The following SETD2 variants were observed in gnomAD, a reference collection of about 807,000 sequenced individuals.
SETD2 encodes SET domain containing 2, histone lysine methyltransferase, also known as histone-lysine N-methyltransferase SETD2.
In SETD2, 31 loss-of-function variants were observed where a neutral mutation model predicts 242.1. The ratio of observed to expected loss-of-function variants is 0.13; its 90% CI spans 0.10 to 0.17. SETD2 has a LOEUF of 0.17. Ranked by LOEUF, SETD2 falls within the 10% of genes least tolerant of loss-of-function variation. The pLI, the probability that SETD2 is intolerant of heterozygous loss-of-function variation, is 1.00. For missense variants in SETD2, 2,481 were observed against 3,046.3 expected, an observed-to-expected ratio of 0.81 and a Z score of 4.37; for synonymous variants, 1,006 against 1,066.5, an observed-to-expected ratio of 0.94 and a Z score of 1.11.
intron 1 of SETD2, among the ~76,000 whole-genome samples, chr3:47,135,017 C>G (rs1276040181): frequency 6.6e-6 from 1 of 152,156 alleles, no homozygotes; most frequent in Non-Finnish European, 1.5e-5. Context: ...AAGGATCCAC[C>G]TTGTAAAAGC....
At chr3:47,087,411 C>T (rs2107648838) in intron 10 of SETD2, among the ~76,000 whole-genome samples, 1 of 152,204 alleles carries the variant, frequency 6.6e-6, no homozygotes, top group African/African-American at 2.4e-5. Context: ...AAGGAGTGTA[C>T]AACCTAGATC....
intron 18 of SETD2, among the ~76,000 whole-genome samples, chr3:47,031,767 G>A (rs2038781710): frequency 6.6e-6 from 1 of 152,068 alleles, no homozygotes; most frequent in South Asian, 2.1e-4. Context: ...ACCGCAAAGA[G>A]CTTTTATTCG....
chr3:47,097,719 T>G (rs1484421108), intron 9 of SETD2, among the ~76,000 whole-genome samples: 3 of 152,220 alleles, frequency 2.0e-5, no homozygotes, highest in Non-Finnish European at 2.9e-5. Context: ...TTTTAAAGAA[T>G]CTGAAAAACT....
At chr3:47,022,370 G>T (rs187223304) in intron 18 of SETD2, among the ~76,000 whole-genome samples, 73 of 152,088 alleles carry the variant, frequency 4.8e-4, no homozygotes, top group Admixed American at 2.7e-3. Context: ...TGGGCATGGT[G>T]GCTATGCCTG....
At chr3:47,137,070 C>T (rs2043604820) in intron 1 of SETD2, among the ~76,000 whole-genome samples, 1 of 152,188 alleles carries the variant, frequency 6.6e-6, no homozygotes, top group South Asian at 2.1e-4. Flanking sequence ...CACATGTACC[C>T]TTTGAATCTA....
chr3:47,149,230 T>C (rs1399041589), intron 1 of SETD2, among the ~76,000 whole-genome samples: 1 of 152,150 alleles, frequency 6.6e-6, no homozygotes, highest in Admixed American at 6.6e-5. Context: ...AACTGGTAAA[T>C]GAATATTACC....
chr3:47,066,913 C>T, intron 13 of SETD2, 157 bp downstream of exon 13: 1 of 584,208 alleles, frequency 1.7e-6, no homozygotes, highest in Non-Finnish European at 3.0e-6. Context: ...AGAATAAAAG[C>T]ACAAGTTTCC....
intron 5 of SETD2, among the ~76,000 whole-genome samples, chr3:47,111,314 T>G (rs991139319): frequency 3.9e-5 from 6 of 152,056 alleles, no homozygotes; most frequent in Non-Finnish European, 7.4e-5. Context: ...ATGGGGCATA[T>G]GACAATTCTG....
intron 7 of SETD2, among the ~76,000 whole-genome samples, chr3:47,102,335 C>A (rs1431250017): frequency 6.6e-6 from 1 of 152,190 alleles, no homozygotes; most frequent in Non-Finnish European, 1.5e-5. Context: ...AGTAGGTTCT[C>A]CTTTTTGTTA....
At chr3:47,050,314 C>A (rs1280443136) in intron 15 of SETD2, among the ~76,000 whole-genome samples, 1 of 152,114 alleles carries the variant, frequency 6.6e-6, no homozygotes, top group Admixed American at 6.6e-5. Flanking sequence ...AACACACACA[C>A]TAGCCTAGGC....
At chr3:47,127,378 G>T (rs936410812) in intron 1 of SETD2, among the ~76,000 whole-genome samples, 1 of 150,866 alleles carries the variant, frequency 6.6e-6, no homozygotes, top group East Asian at 2.0e-4. Context: ...CTGAAGAGAC[G>T]ATTCGTTTTT....
In SETD2 at chr3:47,123,457, T is replaced by G. The variant is rs914953594; in HGVS notation, c.1179A>C (p.Arg393=). The change falls in exon 3 of 21, where the codon CGA becomes CGC. Residue 393 remains arginine (R), a synonymous_variant. Coordinates refer to ENST00000409792, the MANE Select transcript of SETD2 (RefSeq NM_014159.7). ...LERDTRYVSS[R]CRSERERRRS... ...GCCGTCGCTCTCTTTCTGATCTACATCGGGAAGATACATACCGAGTATCTC... is the reference window on the plus strand; with the variant it reads ...GCCGTCGCTCTCTTTCTGATCTACAGCGGGAAGATACATACCGAGTATCTC... 3.9e-6 allele frequency: 6 copies of G among 1,551,420 alleles called. No homozygotes were observed. In the South Asian group the frequency reaches 7.1e-5, roughly 18 times the overall value.
At chr3:47,069,904 A>C (rs1000634825) in intron 12 of SETD2, among the ~76,000 whole-genome samples, 2 of 152,208 alleles carry the variant, frequency 1.3e-5, no homozygotes, top group African/African-American at 4.8e-5. Context: ...ACTATAAGGG[A>C]AAAAAGGTAT....
At chr3:47,039,801 T>G (rs1247401424) in intron 17 of SETD2, among the ~76,000 whole-genome samples, 9 of 147,394 alleles carry the variant, frequency 6.1e-5, no homozygotes, top group Non-Finnish European at 1.3e-4. Context: ...GAGAATTACT[T>G]GAACCCTGGA....
At chr3:47,040,189 G>A (rs1333160657) in intron 17 of SETD2, among the ~76,000 whole-genome samples, 1 of 152,026 alleles carries the variant, frequency 6.6e-6, no homozygotes, top group Admixed American at 6.6e-5. Context: ...ATGTTGGCCA[G>A]GCTGGTCTTG....
intron 13 of SETD2, among the ~76,000 whole-genome samples, chr3:47,062,918 G>C (rs761004839): frequency 1.3e-5 from 2 of 152,064 alleles, no homozygotes; most frequent in Non-Finnish European, 2.9e-5. Context: ...AGTCCAGCCT[G>C]GGCAAACGAA....
chr3:47,107,730 T>C (rs1025875472), intron 5 of SETD2, among the ~76,000 whole-genome samples: 3,854 of 28,886 alleles, frequency 0.13, 163 homozygotes, highest in East Asian at 0.47. Flanking sequence ...CGGGGGGGGG[T>C]GGGGGGGGGG....
intron 9 of SETD2, among the ~76,000 whole-genome samples, chr3:47,091,074 TC>T (rs1301777913): frequency 6.6e-6 from 1 of 152,216 alleles, no homozygotes; most frequent in Non-Finnish European, 1.5e-5. Flanking sequence ...TCATTCTTTT[TC>T]ATTTCCAATA....
chr3:47,053,062 G>A (rs994872628), intron 15 of SETD2, among the ~76,000 whole-genome samples: 2 of 151,664 alleles, frequency 1.3e-5, no homozygotes, highest in Non-Finnish European at 2.9e-5. Flanking sequence ...GCTAATTTTT[G>A]TATTTTTGTA....
Sources: allele counts gnomAD v4.1 joint callset (sites outside exome capture counted in the v4.1 genomes callset), GRCh38; gene constraint gnomAD v4.1.1; transcripts MANE v1.5; gene names NCBI Gene and HGNC (gene_info 2026-07-23, HGNC 2026-07-21).